Variants in ARB2A observed in about 807,000 individuals in gnomAD.
The protein encoded by ARB2A is cotranscriptional regulator ARB2A.
At chr5:93,995,834 C>T in the ARB2A span, among the ~76,000 whole-genome samples, 2 of 152,174 alleles carry the variant, frequency 1.3e-5, no homozygotes, top group African/African-American at 4.8e-5. Flanking sequence ...TACATACATA[C>T]ATGAAATTTC....
At chr5:94,055,755 G>A in the ARB2A span, 1 of 985,428 alleles carries the variant, frequency 1.0e-6, no homozygotes. Flanking sequence ...TTCTTCCAAT[G>A]AATTGAGGCT....
the ARB2A span, among the ~76,000 whole-genome samples, chr5:93,893,367 T>C: frequency 6.6e-6 from 1 of 152,218 alleles, no homozygotes; most frequent in East Asian, 1.9e-4. Context: ...CCAAAATGCA[T>C]ACACACATAC....
the ARB2A span, among the ~76,000 whole-genome samples, chr5:93,886,652 G>C: frequency 4.0e-5 from 6 of 151,604 alleles, no homozygotes; most frequent in Non-Finnish European, 8.9e-5. Flanking sequence ...GAAGTCACTA[G>C]TGAAGCGTTA....
At chr5:93,968,937 T>C in the ARB2A span, among the ~76,000 whole-genome samples, 1 of 151,694 alleles carries the variant, frequency 6.6e-6, no homozygotes, top group Admixed American at 6.6e-5. Context: ...CCTAGAATTT[T>C]ATATCCTGCA....
At chr5:93,912,976 C>T in the ARB2A span, among the ~76,000 whole-genome samples, 1 of 151,824 alleles carries the variant, frequency 6.6e-6, no homozygotes, top group Non-Finnish European at 1.5e-5. Flanking sequence ...TCATAACTAA[C>T]TGTATCAAAG....
At chr5:93,756,830 A>C in the ARB2A span, among the ~76,000 whole-genome samples, 3 of 152,040 alleles carry the variant, frequency 2.0e-5, no homozygotes, top group South Asian at 4.1e-4. Flanking sequence ...ACACCCCCCC[A>C]AAAAATCACA....
At chr5:93,649,595 T>C in the ARB2A span, among the ~76,000 whole-genome samples, 3 of 152,240 alleles carry the variant, frequency 2.0e-5, no homozygotes, top group Non-Finnish European at 4.4e-5. Context: ...TAAATTCTTT[T>C]TAATTTTTTT....
the ARB2A span, among the ~76,000 whole-genome samples, chr5:93,965,621 AG>A: frequency 6.6e-6 from 1 of 152,118 alleles, no homozygotes; most frequent in East Asian, 1.9e-4. Flanking sequence ...AATATTAAAT[AG>A]ATGGTACTAA....
chr5:93,922,434 C>T, the ARB2A span, among the ~76,000 whole-genome samples: 12 of 151,162 alleles, frequency 7.9e-5, no homozygotes, highest in East Asian at 1.4e-3. Flanking sequence ...TTTGGGAGGC[C>T]GAGGCAGGCA....
the ARB2A span, among the ~76,000 whole-genome samples, chr5:93,749,670 T>C: frequency 2.0e-5 from 3 of 152,144 alleles, no homozygotes; most frequent in African/African-American, 4.8e-5. Context: ...AAATTTCCCA[T>C]AGTAATGATA....
At chr5:93,899,552 T>C in the ARB2A span, among the ~76,000 whole-genome samples, 9 of 152,132 alleles carry the variant, frequency 5.9e-5, no homozygotes, top group African/African-American at 1.9e-4. Context: ...TAGTTTGCAT[T>C]TGAAAACAGT....
the ARB2A span, among the ~76,000 whole-genome samples, chr5:93,919,785 G>A: frequency 4.6e-5 from 7 of 152,170 alleles, no homozygotes; most frequent in Middle Eastern, 3.4e-3. Context: ...GTGGGAGGGG[G>A]AAAGTAAAAA....
the ARB2A span, among the ~76,000 whole-genome samples, chr5:94,088,863 A>G: frequency 6.6e-6 from 1 of 152,186 alleles, no homozygotes; most frequent in East Asian, 1.9e-4. Flanking sequence ...TTGCAAACGA[A>G]AAATGAAGGC....
the ARB2A span, among the ~76,000 whole-genome samples, chr5:93,634,651 A>C: frequency 3.9e-5 from 6 of 152,310 alleles, no homozygotes; most frequent in South Asian, 1.2e-3. Flanking sequence ...AGCACTGAGA[A>C]CTCACAGAAA....
At chr5:94,063,668 T>C in the ARB2A span, among the ~76,000 whole-genome samples, 1 of 152,132 alleles carries the variant, frequency 6.6e-6, no homozygotes, top group Non-Finnish European at 1.5e-5. Flanking sequence ...ATAGCCTACC[T>C]GGTATCCCTG....
chr5:93,764,732 G>C, the ARB2A span, among the ~76,000 whole-genome samples: 1 of 152,106 alleles, frequency 6.6e-6, no homozygotes, highest in Admixed American at 6.5e-5. Context: ...GCCTGGCAGA[G>C]ACACAACAAA....
chr5:93,863,248 T>A, the ARB2A span: 2 of 152,006 alleles, frequency 1.3e-5, no homozygotes, highest in African/African-American at 2.4e-5. Context: ...CATAGCTGGT[T>A]GGATTTGATG....
At chr5:93,997,619 A>T in the ARB2A span, among the ~76,000 whole-genome samples, 3 of 151,990 alleles carry the variant, frequency 2.0e-5, no homozygotes, top group African/African-American at 4.8e-5. Flanking sequence ...CATCAATTGT[A>T]ACTCCTGGAA....
At chr5:93,840,026 G>C in the ARB2A span, among the ~76,000 whole-genome samples, 1 of 152,040 alleles carries the variant, frequency 6.6e-6, no homozygotes, top group Admixed American at 6.6e-5. Context: ...CTTCAGTTCA[G>C]CTCTGATTTT....
Sources: gnomAD v4.1 joint callset for allele counts (sites outside exome capture counted in the v4.1 genomes callset) on GRCh38, gnomAD v4.1.1 for gene constraint, MANE v1.5 for transcripts, NCBI Gene and HGNC (gene_info 2026-07-23, HGNC 2026-07-21) for gene names.